The following ARPC1B variants were observed in gnomAD, a reference collection of about 807,000 sequenced individuals.
ARPC1B encodes the protein actin-related protein 2/3 complex subunit 1B.
A neutral mutation model predicts 46.0 loss-of-function variants in ARPC1B; 29 were observed. That is an observed-to-expected ratio of 0.63 (90% confidence interval 0.47 to 0.86). ARPC1B has a LOEUF of 0.86. ARPC1B is among the 40% of genes least tolerant of loss of function. The probability of loss-of-function intolerance (pLI) is 0.00; values close to 1 mark genes in which losing one functional copy is unlikely to be tolerated. For missense variants in ARPC1B, 469 were observed against 529.4 expected (o/e 0.89, Z 1.12); for synonymous variants, 201 against 213.9 (o/e 0.94, Z 0.53).
intron 3 of ARPC1B, 107 bp from the exon 4 acceptor site, chr7:99,387,932 C>A: frequency 1.4e-6 from 1 of 733,818 alleles, no homozygotes; most frequent in Non-Finnish European, 2.4e-6. Flanking sequence ...TGGGCAGATA[C>A]AGCTTCCACC....
intron 8 of ARPC1B, among the ~76,000 whole-genome samples, chr7:99,393,257 G>A (rs1171476206): frequency 6.6e-6 from 1 of 152,236 alleles, no homozygotes; most frequent in Non-Finnish European, 1.5e-5. Context: ...GGTGCTAGTG[G>A]AGCCTGGGAG....
chr7:99,387,120 C>T (rs1327045697), intron 3 of ARPC1B, among the ~76,000 whole-genome samples: 1 of 152,196 alleles, frequency 6.6e-6, no homozygotes, highest in Non-Finnish European at 1.5e-5. Context: ...CCTGGTGTCA[C>T]TCTAAATAAG....
rs951591388 is a variant in ARPC1B, at chr7:99,390,074, G to A, written c.500+62G>A. 18 of 1,457,332 alleles carry A rather than the reference G, an allele frequency of 1.2e-5. No homozygotes were observed. The South Asian group carries it at 1.5e-4, about 12-fold the overall frequency. The allele number at this position is 1,457,332 out of a possible 1,614,324, so 90.3% of individuals were successfully genotyped here. A position where few individuals can be genotyped will look rare whatever the true frequency, so the allele number is the denominator to read the frequency against. On this transcript the variant is annotated intron_variant, in intron 5 of 9. Transcript: ENST00000646101. Reference sequence around the variant, plus strand: ...GTCAACTGACTGCTGACATCATAGCGGGGAGCCGCACCTGAAAGCTCTACA... The same window carrying A: ...GTCAACTGACTGCTGACATCATAGCAGGGAGCCGCACCTGAAAGCTCTACA...
intron 4 of ARPC1B, chr7:99,388,994 T>C (rs969915971): frequency 2.1e-5 from 3 of 145,500 alleles, no homozygotes; most frequent in African/African-American, 8.0e-5. Context: ...TGGAGTGCAG[T>C]GGCACAATCT....
chr7:99,389,637 G>A (rs929031576), intron 4 of ARPC1B: 3 of 417,960 alleles, frequency 7.2e-6, no homozygotes, highest in African/African-American at 4.1e-5. Flanking sequence ...GACCTCTGGT[G>A]ATGGCATCAC....
At chr7:99,383,694 T>G (rs1584402605) in intron 1 of ARPC1B, among the ~76,000 whole-genome samples, 1 of 152,230 alleles carries the variant, frequency 6.6e-6, no homozygotes, top group East Asian at 1.9e-4. Context: ...GCGAGAGCCG[T>G]GTGTGCCGGT....
intron 3 of ARPC1B, 52 bp downstream of exon 3, chr7:99,386,841 G>C: frequency 1.4e-6 from 2 of 1,448,272 alleles, no homozygotes; most frequent in Non-Finnish European, 1.9e-6. Context: ...GTGGGTTGGG[G>C]GGGTGGTGCA....
chr7:99,382,933 C>T (rs1261736260), intron 1 of ARPC1B, among the ~76,000 whole-genome samples: 2 of 150,094 alleles, frequency 1.3e-5, no homozygotes, highest in African/African-American at 2.5e-5. Context: ...CGACCTCTGC[C>T]TCTCAGGTTC....
intron 1 of ARPC1B, among the ~76,000 whole-genome samples, chr7:99,381,614 G>A (rs147823473): frequency 6.6e-6 from 1 of 152,228 alleles, no homozygotes; most frequent in African/African-American, 2.4e-5. Flanking sequence ...ATGTGCATGT[G>A]TGTGTGTCCT....
chr7:99,390,800 C>A, intron 5 of ARPC1B, 93 bp from the exon 6 acceptor site: 1 of 1,187,258 alleles, frequency 8.4e-7, no homozygotes, highest in Non-Finnish European at 1.2e-6. Flanking sequence ...TGGGTTCAAG[C>A]AATCCTCCCG....
At chr7:99,384,229 T>G (rs1355354621) in intron 1 of ARPC1B, 4 of 152,174 alleles carry the variant, frequency 2.6e-5, no homozygotes, top group Non-Finnish European at 4.4e-5. Flanking sequence ...GGAGGATGAG[T>G]CGCTGCCCTC....
chr7:99,375,217 C>T (rs938648903), intron 1 of ARPC1B, among the ~76,000 whole-genome samples: 3 of 152,132 alleles, frequency 2.0e-5, no homozygotes, highest in Non-Finnish European at 4.4e-5. Context: ...GTCGGTGTAG[C>T]CCCGTTACTT....
intron 1 of ARPC1B, among the ~76,000 whole-genome samples, chr7:99,380,439 GT>G (rs1402020002): frequency 1.3e-5 from 2 of 152,164 alleles, no homozygotes; most frequent in African/African-American, 4.8e-5. Flanking sequence ...CATTTAAGGG[GT>G]TTGTTCAACA....
chr7:99,392,683 T>C lies in ARPC1B; in HGVS notation c.796T>C (p.Phe266Leu). The C allele has an allele frequency of 6.5e-7, 1 of 1,530,014 alleles. No individual in the cohort carries two copies. Among genetic ancestry groups the C allele is most frequent in the South Asian group, 1.2e-5 (1 of 83,354 alleles). 94.8% of individuals were successfully genotyped at this position (1,530,014 alleles called of 1,614,324 possible). A position where few individuals can be genotyped will look rare whatever the true frequency, so the allele number is the denominator to read the frequency against. Residue 266 changes from phenylalanine to leucine, a missense_variant, in exon 8 of 10, where the codon TTC (phenylalanine) becomes CTC (leucine). Physicochemically the swap from Phe to Leu is conservative, Grantham distance 22 (BLOSUM62 0). Coordinates refer to ENST00000646101, the MANE Select transcript of ARPC1B (RefSeq NM_005720.4). ...NSLVAAGHDCFPVLFTYDAAA... is the reference protein window; with the variant it reads ...NSLVAAGHDCLPVLFTYDAAA... ...GCCCTCCGCGCAGGGCCACGACTGC[T>C]TCCCGGTGCTGTTCACCTATGACGC...
Position 99,394,009 on chromosome 7 carries a change from G to C in ARPC1B, c.990-20G>C, listed in dbSNP as rs755244401. ...GCGCCAGCACAGGTTGAATTCATAA[G>C]CTCCTCTTCCTCTTTGCAGCCAGAT... On this transcript the variant is annotated intron_variant, in intron 8 of 9. Coordinates refer to ENST00000646101, the MANE Select transcript of ARPC1B (RefSeq NM_005720.4). The C allele has an allele frequency of 6.2e-7, 1 of 1,611,182 alleles. No individual in the cohort carries two copies. The highest frequency in any genetic ancestry group is 8.5e-7 in the Non-Finnish European group (1 of 1,179,838).
At chr7:99,386,096 C>T (rs1473232549) in intron 2 of ARPC1B, among the ~76,000 whole-genome samples, 1 of 151,878 alleles carries the variant, frequency 6.6e-6, no homozygotes, top group Non-Finnish European at 1.5e-5. Flanking sequence ...ACTAAAAATA[C>T]AAAAATTACC....
At chr7:99,392,898 G>A in intron 8 of ARPC1B, 22 bp downstream of exon 8, 1 of 1,521,632 alleles carries the variant, frequency 6.6e-7, no homozygotes, top group Non-Finnish European at 8.8e-7. Flanking sequence ...AGCCGGGCCG[G>A]CGGGTGGGCG....
At chr7:99,381,436 A>T (rs1187232243) in intron 1 of ARPC1B, among the ~76,000 whole-genome samples, 1 of 151,980 alleles carries the variant, frequency 6.6e-6, no homozygotes, top group African/African-American at 2.4e-5. Flanking sequence ...AAGGCTTAAC[A>T]TGCAAAGTGT....
intron 1 of ARPC1B, among the ~76,000 whole-genome samples, chr7:99,380,305 C>A (rs1449101572): frequency 4.6e-5 from 7 of 151,112 alleles, no homozygotes; most frequent in Non-Finnish European, 1.0e-4. Flanking sequence ...CACTTCCTCA[C>A]TGGTAAGATG....
Sources: gnomAD v4.1 joint callset for allele counts (sites outside exome capture counted in the v4.1 genomes callset) on GRCh38, gnomAD v4.1.1 for gene constraint, MANE v1.5 for transcripts, NCBI Gene and HGNC (gene_info 2026-07-23, HGNC 2026-07-21) for gene names.